The following TMC1 variants were observed in gnomAD, a reference collection of about 807,000 sequenced individuals.
TMC1 encodes transmembrane channel like 1.
Under a neutral mutation model 105.8 loss-of-function variants are expected in TMC1, and 84 were observed. The observed-to-expected ratio is 0.79, with a 90% CI of 0.67 to 0.95. The LOEUF (loss-of-function observed/expected upper bound fraction) is 0.95. TMC1 is among the 40% of genes least tolerant of loss of function. The pLI, the probability that TMC1 is intolerant of heterozygous loss-of-function variation, is 0.00. For missense variants in TMC1, 817 were observed against 914.1 expected (o/e 0.89, Z 1.37); for synonymous variants, 315 against 311.5 (o/e 1.01, Z -0.12).
At chr9:72,551,769 C>T (rs1440579749) in intron 1 of TMC1, among the ~76,000 whole-genome samples, 5 of 151,980 alleles carry the variant, frequency 3.3e-5, no homozygotes, top group African/African-American at 4.8e-5. Context: ...GAGGTCATAC[C>T]GGACTAGGGT....
At chr9:72,619,173 G>C (rs925084331) in intron 3 of TMC1, among the ~76,000 whole-genome samples, 17 of 152,208 alleles carry the variant, frequency 1.1e-4, no homozygotes, top group Admixed American at 9.2e-4. Context: ...ACCATGAAGA[G>C]GCCCCCAGTG....
At chr9:72,595,763 G>A (rs1163369186) in intron 2 of TMC1, among the ~76,000 whole-genome samples, 9 of 147,434 alleles carry the variant, frequency 6.1e-5, no homozygotes, top group East Asian at 2.0e-4. Flanking sequence ...TGCAACTTCC[G>A]CCTCCTGGGC....
At chr9:72,717,269 G>A (rs1428508860) in intron 8 of TMC1, among the ~76,000 whole-genome samples, 2 of 152,224 alleles carry the variant, frequency 1.3e-5, no homozygotes, top group Non-Finnish European at 2.9e-5. Flanking sequence ...TTTAAGTGGA[G>A]CATTTAGGCC....
intron 8 of TMC1, among the ~76,000 whole-genome samples, chr9:72,722,373 A>G (rs777655470): frequency 2.6e-5 from 4 of 152,118 alleles, no homozygotes; most frequent in Non-Finnish European, 5.9e-5. Flanking sequence ...TTATCACTTT[A>G]TTCTGGTATC....
rs564831986 is a variant in TMC1 at position 72,636,261 on chromosome 9, C to T, written c.-53+8198C>T. The stretch of plus-strand genomic sequence containing the variant: ...AATAATTATGAAAATTGAGGCAGCT[C>T]AGAGACTCATTTTCTAAGATTTCAA... On this transcript the variant is annotated intron_variant, in intron 4 of 23. Transcript: ENST00000297784. 1.6e-3 allele frequency among the ~76,000 whole-genome samples: 238 copies of T among 152,258 alleles called. 1 individual carries two copies. The highest frequency in any genetic ancestry group is 5.4e-3 in the African/African-American group (225 of 41,536).
At chr9:72,740,242 A>G (rs964695127) in intron 9 of TMC1, 33 bp downstream of exon 9, 11 of 1,576,826 alleles carry the variant, frequency 7.0e-6, no homozygotes, top group African/African-American at 5.4e-5. Context: ...GGTTTATGGC[A>G]TATTGCCTCT....
chr9:72,795,051 T>G (rs1409541543), intron 17 of TMC1, among the ~76,000 whole-genome samples: 2 of 152,060 alleles, frequency 1.3e-5, no homozygotes, highest in Non-Finnish European at 2.9e-5. Context: ...ACTGGCTCTC[T>G]GAAATAAGAC....
intron 6 of TMC1, 65 bp downstream of exon 6, chr9:72,688,821 T>C: frequency 1.4e-6 from 2 of 1,381,660 alleles, no homozygotes; most frequent in Non-Finnish European, 2.0e-6. Context: ...AAAGAATTTA[T>C]CCTCTTGTGG....
intron 10 of TMC1, among the ~76,000 whole-genome samples, 158 bp downstream of exon 10, chr9:72,742,683 CT>C (rs1827410889): frequency 6.6e-6 from 1 of 152,164 alleles, no homozygotes; most frequent in Admixed American, 6.5e-5. Context: ...TTTATGCCTG[CT>C]TTCGTCACTG....
At chr9:72,822,958 A>G (rs907346849) in intron 20 of TMC1, among the ~76,000 whole-genome samples, 5 of 152,326 alleles carry the variant, frequency 3.3e-5, no homozygotes, top group Admixed American at 3.3e-4. Flanking sequence ...TAATTGGCAA[A>G]CTTAGGCAAA....
intron 12 of TMC1, among the ~76,000 whole-genome samples, chr9:72,764,101 A>G (rs1370603684): frequency 6.6e-6 from 1 of 152,210 alleles, no homozygotes; most frequent in African/African-American, 2.4e-5. Context: ...ACCAAATCAT[A>G]AATCTAATAC....
chr9:72,775,513 T>G (rs781393812), intron 13 of TMC1, among the ~76,000 whole-genome samples: 2 of 152,112 alleles, frequency 1.3e-5, no homozygotes, highest in African/African-American at 4.8e-5. Flanking sequence ...AGCTAAAAAT[T>G]TGGGGTTTTA....
At chr9:72,545,145 C>T (rs1209208358) in intron 1 of TMC1, among the ~76,000 whole-genome samples, 6 of 151,388 alleles carry the variant, frequency 4.0e-5, no homozygotes, top group Non-Finnish European at 7.4e-5. Flanking sequence ...TATACACACA[C>T]ACACACACAC....
At chr9:72,711,183 T>C (rs1826829466) in intron 8 of TMC1, among the ~76,000 whole-genome samples, 1 of 152,142 alleles carries the variant, frequency 6.6e-6, no homozygotes, top group Admixed American at 6.5e-5. Context: ...GGCATTTGGG[T>C]TGGTTCCAAG....
chr9:72,647,147 A>G (rs1345786204), intron 4 of TMC1, among the ~76,000 whole-genome samples: 5 of 151,472 alleles, frequency 3.3e-5, no homozygotes, highest in Non-Finnish European at 7.4e-5. Flanking sequence ...ATCTCAAAAA[A>G]AAAAAAAAAA....
chr9:72,587,143 G>T (rs1824566419), intron 2 of TMC1, among the ~76,000 whole-genome samples: 1 of 149,550 alleles, frequency 6.7e-6, no homozygotes, highest in African/African-American at 2.5e-5. Context: ...TGAGAAATCT[G>T]GTTATGTAAC....
chr9:72,550,367 G>A (rs886679541), intron 1 of TMC1, among the ~76,000 whole-genome samples: 2 of 151,974 alleles, frequency 1.3e-5, no homozygotes, highest in African/African-American at 4.8e-5. Context: ...TTGGGAGGCT[G>A]AGGCAGGAGA....
At chr9:72,756,941 A>T (rs1008239319) in intron 12 of TMC1, among the ~76,000 whole-genome samples, 1 of 152,124 alleles carries the variant, frequency 6.6e-6, no homozygotes, top group African/African-American at 2.4e-5. Flanking sequence ...AAGGGTTTGG[A>T]TGATGAGTGT....
Position 72,837,659 on chromosome 9 carries a change from T to G in TMC1, c.*1686T>G, listed in dbSNP as rs1829146831. On this transcript the variant is annotated 3_prime_UTR_variant, in exon 24 of 24. Transcript: ENST00000297784. ...GTAACACTCAGTGCCCTCACTAGCC[T>G]TGTTGTGCGACTTTAATTGCATAGC... The G allele has an allele frequency of 6.6e-6, 1 of 152,230 alleles. No individual in the cohort carries two copies. The highest frequency in any genetic ancestry group is 1.5e-5 in the Non-Finnish European group (1 of 68,042). 9.4% of individuals were successfully genotyped at this position (152,230 alleles called of 1,614,324 possible).
Sources: allele counts gnomAD v4.1 joint callset (sites outside exome capture counted in the v4.1 genomes callset), GRCh38; gene constraint gnomAD v4.1.1; transcripts MANE v1.5; gene names NCBI Gene and HGNC (gene_info 2026-07-23, HGNC 2026-07-21).